The following TMEM126B variants were observed in gnomAD, a reference collection of about 807,000 sequenced individuals.
TMEM126B encodes transmembrane protein 126B.
Under a neutral mutation model 16.5 loss-of-function variants are expected in TMEM126B, and 19 were observed. The ratio of observed to expected loss-of-function variants is 1.15; its 90% confidence interval spans 0.80 to 1.69. The LOEUF is 1.69. Among genes scored for constraint, TMEM126B ranks in the 40% most tolerant of loss-of-function variants. The pLI is 0.00. For synonymous variants in TMEM126B, 104 were observed against 93.2 expected (o/e 1.12, Z -0.67); for missense variants, 293 against 278.7 (o/e 1.05, Z -0.37).
chr11:85,631,631 G>A, intron 1 of TMEM126B, 56 bp from the exon 2 acceptor site: 1 of 1,557,658 alleles, frequency 6.4e-7, no homozygotes, highest in Non-Finnish European at 8.7e-7. Flanking sequence ...ATTCTGTAAG[G>A]TTTTATGTAA....
chr11:85,636,397 T>G lies in TMEM126B; in HGVS notation c.*168T>G, dbSNP rs1020920557. ...TATTCAATAATTCAATCAATAAATA[T>G]AAGTTTCATCTTACACGTAAGATAC... On this transcript the variant is annotated 3_prime_UTR_variant, in exon 5 of 5. Coordinates refer to ENST00000358867, the MANE Select transcript of TMEM126B (RefSeq NM_018480.7). 2.3e-5 allele frequency: 10 copies of G among 437,108 alleles called. No homozygotes were observed. Among genetic ancestry groups the G allele is most frequent in the African/African-American group, 6.0e-5 (3 of 50,270 alleles). 27.1% of individuals were successfully genotyped at this position (437,108 alleles called of 1,614,324 possible).
At chr11:85,632,456 G>A (rs548009945) in intron 2 of TMEM126B, among the ~76,000 whole-genome samples, 1 of 152,160 alleles carries the variant, frequency 6.6e-6, no homozygotes, top group African/African-American at 2.4e-5. Flanking sequence ...TGGCCAGACT[G>A]GCCATTTTGA....
At chr11:85,634,400 A>C (rs2082361432) in intron 3 of TMEM126B, 121 bp downstream of exon 3, 1 of 713,508 alleles carries the variant, frequency 1.4e-6, no homozygotes, top group African/African-American at 1.8e-5. Flanking sequence ...ACAGTTTACA[A>C]AGTCCATATA....
At position 85,634,172 on chromosome 11, in the gene TMEM126B, T is replaced by C; in HGVS notation, c.290T>C (p.Phe97Ser). Reference sequence around the variant, plus strand: ...TCAAACTTCCTGTTCAGACGCTGCTTCAAGGTTAAACATGATGCTTTGAAG... The same window carrying C: ...TCAAACTTCCTGTTCAGACGCTGCTCCAAGGTTAAACATGATGCTTTGAAG... ...IFSNFLFRRC[F>S]KVKHDALKTY... Residue 97 changes from phenylalanine (F) to serine (S), a missense_variant, in exon 3 of 5, where the codon TTC (phenylalanine) becomes TCC (serine). Coordinates refer to ENST00000358867, the MANE Select transcript of TMEM126B (RefSeq NM_018480.7). 6.2e-7 allele frequency: 1 copy of C among 1,613,888 alleles called. No individual in the cohort carries two copies. Among genetic ancestry groups the C allele is most frequent in the Non-Finnish European group, 8.5e-7 (1 of 1,179,914 alleles).
chr11:85,634,328 T>C (rs1565793028), intron 3 of TMEM126B, 49 bp downstream of exon 3: 1 of 1,396,796 alleles, frequency 7.2e-7, no homozygotes, highest in Non-Finnish European at 1.0e-6. Flanking sequence ...TAAGTAAAGT[T>C]ACTTATTAAC....
rs1269986985 is a variant in TMEM126B at position 85,636,328 on chromosome 11, TTGTTC to T, written c.*103_*107del. The stretch of plus-strand genomic sequence containing the variant: ...TTAAAAGTAACTGTGAACAAATAAT[TTGTTC>T]TGTGCCTTTTGCCTGGTATATAGCA... On this transcript the variant is annotated 3_prime_UTR_variant, in exon 5 of 5. Coordinates refer to ENST00000358867, the MANE Select transcript of TMEM126B (RefSeq NM_018480.7). 3 of 880,648 alleles carry T rather than the reference TTGTTC, an allele frequency of 3.4e-6. No homozygotes were observed. The East Asian group carries it at 8.7e-5, about 25-fold the overall frequency. 54.6% of individuals were successfully genotyped at this position (880,648 alleles called of 1,614,324 possible). A position where few individuals can be genotyped will look rare whatever the true frequency, so the allele number is the denominator to read the frequency against.
At position 85,628,716 on chromosome 11, in the gene TMEM126B, G is replaced by T. The variant is rs927027223; in HGVS notation, c.81+28G>T. 4 of 1,523,694 alleles carry T rather than the reference G, an allele frequency of 2.6e-6. No individual in the cohort carries two copies. In the African/African-American group the frequency reaches 6.0e-5, roughly 23 times the overall value. 94.4% of individuals were successfully genotyped at this position (1,523,694 alleles called of 1,614,324 possible). ...AGGCGGAAATCCGAAGTGGTATGGGGGGTGATTTCTGCACCTTCAAAGTGT... is the reference window on the plus strand; with the variant it reads ...AGGCGGAAATCCGAAGTGGTATGGGTGGTGATTTCTGCACCTTCAAAGTGT... On this transcript the variant is annotated intron_variant, in intron 1 of 4. Coordinates refer to ENST00000358867, the MANE Select transcript of TMEM126B (RefSeq NM_018480.7).
At chr11:85,631,951 TA>T in intron 2 of TMEM126B, 143 bp downstream of exon 2, 35 of 722,674 alleles carry the variant, frequency 4.8e-5, no homozygotes, top group East Asian at 1.4e-4. Flanking sequence ...AACACATCTT[TA>T]AAAAAAAGAA....
chr11:85,628,886 C>T (rs1455575305), intron 1 of TMEM126B, among the ~76,000 whole-genome samples, 198 bp downstream of exon 1: 1 of 152,220 alleles, frequency 6.6e-6, no homozygotes. Context: ...TTCTAGTCCT[C>T]ATTATCTGCA....
At position 85,631,106 on chromosome 11, in the gene TMEM126B, A is replaced by G. The variant is rs1033192456; in HGVS notation, c.82-581A>G. The G allele has an allele frequency of 1.0e-5, 13 of 1,275,982 alleles. No individual in the cohort carries two copies. In the Admixed American group the frequency reaches 1.6e-4, roughly 16 times the overall value. 79.0% of individuals were successfully genotyped at this position (1,275,982 alleles called of 1,614,324 possible). A position where few individuals can be genotyped will look rare whatever the true frequency, so the allele number is the denominator to read the frequency against. On this transcript the variant is annotated intron_variant, in intron 1 of 4. Coordinates refer to ENST00000358867, the MANE Select transcript of TMEM126B (RefSeq NM_018480.7). ...CTCTTTCTGATTTTTCTCTCTCACT[A>G]TTCTCCAAGGCAATCCCTGCTCTCT...
At chr11:85,634,436 A>C in intron 3 of TMEM126B, 157 bp downstream of exon 3, 1 of 574,524 alleles carries the variant, frequency 1.7e-6, no homozygotes, top group Non-Finnish European at 2.9e-6. Context: ...TCCCTGCAAC[A>C]ATCCTCCTAA....
rs763718528 is a variant in TMEM126B at position 85,631,591 on chromosome 11, T to C, written c.82-96T>C. ...CACAGTACCTGGCACACTACTAAACTGTAAATGTTTTCAAATCTGAATCTG... is the reference window on the plus strand; with the variant it reads ...CACAGTACCTGGCACACTACTAAACCGTAAATGTTTTCAAATCTGAATCTG... On this transcript the variant is annotated intron_variant, in intron 1 of 4. Transcript: ENST00000358867. 309 of 1,400,274 alleles carry C rather than the reference T, an allele frequency of 2.2e-4. 2 individuals carry two copies. The highest frequency in any genetic ancestry group is 4.4e-5 in the Non-Finnish European group (45 of 1,032,168). 86.7% of individuals were successfully genotyped at this position (1,400,274 alleles called of 1,614,324 possible).
chr11:85,636,351 A>G lies in TMEM126B; in HGVS notation c.*122A>G, dbSNP rs748024354. 64 of 601,780 alleles carry G rather than the reference A, an allele frequency of 1.1e-4. No individual in the cohort carries two copies. The highest frequency in any genetic ancestry group is 1.5e-4 in the African/African-American group (8 of 53,790). The allele number at this position is 601,780 out of a possible 1,614,324, so 37.3% of individuals were successfully genotyped here. A position where few individuals can be genotyped will look rare whatever the true frequency, so the allele number is the denominator to read the frequency against. On this transcript the variant is annotated 3_prime_UTR_variant, in exon 5 of 5. Transcript: ENST00000358867. Reference sequence around the variant, plus strand: ...ATTTGTTCTGTGCCTTTTGCCTGGTATATAGCAAATACTCAAAAAGTATTC... The same window carrying G: ...ATTTGTTCTGTGCCTTTTGCCTGGTGTATAGCAAATACTCAAAAAGTATTC...
chr11:85,630,860 TC>T (rs2082283127), intron 1 of TMEM126B, among the ~76,000 whole-genome samples: 1 of 152,178 alleles, frequency 6.6e-6, no homozygotes, highest in African/African-American at 2.4e-5. Flanking sequence ...GGTCAGGAGT[TC>T]GAGACCAGCC....
chr11:85,633,299 G>A (rs1308409607), intron 2 of TMEM126B, among the ~76,000 whole-genome samples: 4 of 152,104 alleles, frequency 2.6e-5, no homozygotes, highest in African/African-American at 7.2e-5. Flanking sequence ...ATGATTTATA[G>A]TCCTTTGGGT....
Position 85,636,369 on chromosome 11 carries a change from A to G in TMEM126B, c.*140A>G. 1 of 515,048 alleles carries G rather than the reference A, an allele frequency of 1.9e-6. No homozygotes were observed. Among genetic ancestry groups the G allele is most frequent in the Non-Finnish European group, 3.2e-6 (1 of 311,962 alleles). 31.9% of individuals were successfully genotyped at this position (515,048 alleles called of 1,614,324 possible). A position where few individuals can be genotyped will look rare whatever the true frequency, so the allele number is the denominator to read the frequency against. ...GCCTGGTATATAGCAAATACTCAAA[A>G]AGTATTCAATAATTCAATCAATAAA... is the stretch of plus-strand genomic sequence containing the variant. On this transcript the variant is annotated 3_prime_UTR_variant, in exon 5 of 5. Transcript: ENST00000358867.
chr11:85,631,213 G>C (rs1467321509), intron 1 of TMEM126B: 1 of 1,290,060 alleles, frequency 7.8e-7, no homozygotes, highest in South Asian at 1.2e-5. Context: ...ATGTCAATAA[G>C]CAGCCACTGT....
chr11:85,628,833 C>G, intron 1 of TMEM126B, 145 bp downstream of exon 1: 2 of 805,710 alleles, frequency 2.5e-6, no homozygotes, highest in Non-Finnish European at 2.0e-6. Flanking sequence ...ATTAAGTCTC[C>G]AGTTGCTGTG....
chr11:85,635,817 T>A (rs1188840229), intron 4 of TMEM126B, 39 bp downstream of exon 4: 10 of 1,330,318 alleles, frequency 7.5e-6, no homozygotes, highest in Non-Finnish European at 1.0e-5. Context: ...TTTTCTTTTC[T>A]TTTCTTTTTT....
Sources: allele counts gnomAD v4.1 joint callset (sites outside exome capture counted in the v4.1 genomes callset), GRCh38; gene constraint gnomAD v4.1.1; transcripts MANE v1.5; gene names NCBI Gene and HGNC (gene_info 2026-07-23, HGNC 2026-07-21).